The following ENTPD1 variants were observed in gnomAD, a reference collection of about 807,000 sequenced individuals.
ENTPD1 encodes the protein ATP diphosphohydrolase.
Under a neutral mutation model 57.0 loss-of-function variants are expected in ENTPD1, and 33 were observed. The ratio of observed to expected loss-of-function variants is 0.58; its 90% CI spans 0.44 to 0.77. The LOEUF is 0.77. Ranked by LOEUF, ENTPD1 falls within the 30% of genes least tolerant of loss-of-function variation. The pLI is 0.00. For missense variants in ENTPD1, 501 were observed against 603.4 expected, an observed-to-expected ratio of 0.83 and a Z score of 1.78; for synonymous variants, 202 against 218.8, an observed-to-expected ratio of 0.92 and a Z score of 0.68.
At chr10:95,760,798 T>C (rs2098055030) in intron 1 of ENTPD1, among the ~76,000 whole-genome samples, 1 of 137,848 alleles carries the variant, frequency 7.3e-6, no homozygotes, top group African/African-American at 2.7e-5. Flanking sequence ...CTGGAGTAAA[T>C]TACATAGAGT....
chr10:95,760,885 A>G (rs926095043), intron 1 of ENTPD1, among the ~76,000 whole-genome samples: 32 of 122,516 alleles, frequency 2.6e-4, no homozygotes, highest in Non-Finnish European at 7.9e-5. Flanking sequence ...GCTGGAGTGC[A>G]GTGGCGCGAT....
chr10:95,723,570 G>A (rs958056382), intron 1 of ENTPD1, among the ~76,000 whole-genome samples: 2 of 152,160 alleles, frequency 1.3e-5, no homozygotes, highest in Admixed American at 6.5e-5. Flanking sequence ...TACCTAGGAG[G>A]CAGGGATGGG....
rs1330097905 is a variant in ENTPD1, at chr10:95,870,827, T to TTTTTATAACA, written c.*4445_*4454dup. The TTTTTATAACA allele has an allele frequency of 1.0e-6, 1 of 985,364 alleles. No homozygotes were observed. 61.0% of individuals were successfully genotyped at this position (985,364 alleles called of 1,614,324 possible). A position where few individuals can be genotyped will look rare whatever the true frequency, so the allele number is the denominator to read the frequency against. Reference sequence around the variant, plus strand: ...TTTCCATTTGTATTAGGTCCTTTACTTTTTATAACAGCCTCAAAGTTTCAT... The same window carrying TTTTTATAACA: ...TTTCCATTTGTATTAGGTCCTTTACTTTTTATAACATTTTATAACAGCCTCAAAGTTTCAT... On this transcript the variant is annotated 3_prime_UTR_variant, in exon 10 of 10. Coordinates refer to ENST00000371205, the MANE Select transcript of ENTPD1 (RefSeq NM_001776.6).
chr10:95,824,324 T>G (rs1442906324), intron 2 of ENTPD1, among the ~76,000 whole-genome samples: 1 of 152,190 alleles, frequency 6.6e-6, no homozygotes, highest in Non-Finnish European at 1.5e-5. Context: ...CTCTTGTATT[T>G]GAAGATGTTG....
At chr10:95,704,441 A>C in the ENTPD1 span, among the ~76,000 whole-genome samples, 1 of 152,238 alleles carries the variant, frequency 6.6e-6, no homozygotes, top group African/African-American at 2.4e-5. Flanking sequence ...TTTGGCTCCA[A>C]GATCAACAAA....
intron 1 of ENTPD1, among the ~76,000 whole-genome samples, chr10:95,816,472 G>C (rs1234526157): frequency 6.6e-6 from 1 of 152,190 alleles, no homozygotes; most frequent in East Asian, 1.9e-4. Context: ...ATGTAATTAA[G>C]CTAAGGATCT....
chr10:95,864,782 G>A lies in ENTPD1; in HGVS notation c.1247G>A (p.Gly416Asp), dbSNP rs762782061. 6.2e-7 allele frequency: 1 copy of A among 1,613,998 alleles called. No individual in the cohort carries two copies. The highest frequency in any genetic ancestry group is 8.5e-7 in the Non-Finnish European group (1 of 1,179,992). ...EKYLSEYCFSGTYILSLLLQG... is the reference protein window; with the variant it reads ...EKYLSEYCFSDTYILSLLLQG... The stretch of plus-strand genomic sequence containing the variant: ...TACCTGAGTGAATACTGCTTTTCTG[G>A]TACCTACATTCTCTCCCTCCTTCTG... The change falls in exon 9 of 10, where the codon GGT becomes GAT. Residue 416 changes from glycine (G) to aspartate (D), a missense_variant. By Grantham distance (94) the Gly-to-Asp change is moderately conservative. Coordinates refer to ENST00000371205, the MANE Select transcript of ENTPD1 (RefSeq NM_001776.6).
chr10:95,713,153 C>G (rs2097967769), intron 1 of ENTPD1, among the ~76,000 whole-genome samples: 1 of 152,064 alleles, frequency 6.6e-6, no homozygotes, highest in Admixed American at 6.6e-5. Flanking sequence ...CAAGGAACAC[C>G]TCTTGTTTAT....
chr10:95,870,031 G>T lies in ENTPD1; in HGVS notation c.*3648G>T. Reference sequence around the variant, plus strand: ...CTCATTGTCTTTCCCTTGGGAGGTAGTTTAAAGAGCTATAGATGCTGTAAC... The same window carrying T: ...CTCATTGTCTTTCCCTTGGGAGGTATTTTAAAGAGCTATAGATGCTGTAAC... On this transcript the variant is annotated 3_prime_UTR_variant, in exon 10 of 10. Transcript: ENST00000371205. The T allele has an allele frequency of 2.0e-6, 2 of 985,386 alleles. No homozygotes were observed. Among genetic ancestry groups the T allele is most frequent in the South Asian group, 4.7e-5 (1 of 21,280 alleles). The allele number at this position is 985,386 out of a possible 1,614,324, so 61.0% of individuals were successfully genotyped here. A position where few individuals can be genotyped will look rare whatever the true frequency, so the allele number is the denominator to read the frequency against.
At chr10:95,708,623 GATAA>G (rs1397680291), upstream of ENTPD1, among the ~76,000 whole-genome samples, 1 of 152,190 alleles carries the variant, frequency 6.6e-6, no homozygotes, top group African/African-American at 2.4e-5. Flanking sequence ...TAGCAGAGTG[GATAA>G]ATAAACTATG....
intron 1 of ENTPD1, among the ~76,000 whole-genome samples, chr10:95,717,184 C>A (rs953165956): frequency 3.3e-5 from 5 of 152,176 alleles, no homozygotes; most frequent in African/African-American, 9.7e-5. Flanking sequence ...TTCCATGGGA[C>A]AGTGTCAGGA....
intron 1 of ENTPD1, among the ~76,000 whole-genome samples, chr10:95,809,367 G>A (rs1330666096): frequency 2.7e-5 from 4 of 149,904 alleles, no homozygotes; most frequent in Non-Finnish European, 5.9e-5. Context: ...CCCAAGACGG[G>A]GCGGCCGGGC....
chr10:95,872,651 GA>G lies in ENTPD1; in HGVS notation c.*6272del, dbSNP rs1261387094. 2 of 977,998 alleles carry G rather than the reference GA, an allele frequency of 2.0e-6. No homozygotes were observed. Among genetic ancestry groups the G allele is most frequent in the Non-Finnish European group, 2.4e-6 (2 of 827,868 alleles). 60.6% of individuals were successfully genotyped at this position (977,998 alleles called of 1,614,324 possible). A position where few individuals can be genotyped will look rare whatever the true frequency, so the allele number is the denominator to read the frequency against. ...AAAAATATGTTACCTATTTCTTTCT[GA>G]AAAGTTGGATTCAGGGATATTATCA... On this transcript the variant is annotated 3_prime_UTR_variant, in exon 10 of 10. Transcript: ENST00000371205.
chr10:95,724,954 C>A (rs987401795), intron 1 of ENTPD1, among the ~76,000 whole-genome samples: 1 of 152,132 alleles, frequency 6.6e-6, no homozygotes, highest in East Asian at 1.9e-4. Flanking sequence ...TTTCTCTCTC[C>A]TCTTTGTCTG....
chr10:95,836,074 A>C (rs2098408893), intron 2 of ENTPD1, among the ~76,000 whole-genome samples: 1 of 152,162 alleles, frequency 6.6e-6, no homozygotes, highest in Non-Finnish European at 1.5e-5. Flanking sequence ...CCATTTATTA[A>C]ATAGGAAGTC....
At chr10:95,705,277 A>ATGTGTGTGTGTGTGTGTGTGTG in the ENTPD1 span, among the ~76,000 whole-genome samples, 8 of 150,064 alleles carry the variant, frequency 5.3e-5, no homozygotes, top group African/African-American at 2.0e-4. Context: ...CCAGTAGAAA[A>ATGTGTGTGTGTGTGTGTGTGTG]TGTGTGTGTG....
At chr10:95,835,344 T>TG (rs1262492656) in intron 2 of ENTPD1, among the ~76,000 whole-genome samples, 1 of 152,236 alleles carries the variant, frequency 6.6e-6, no homozygotes, top group East Asian at 1.9e-4. Context: ...TCATCATTGA[T>TG]GGACACCTGG....
intron 1 of ENTPD1, among the ~76,000 whole-genome samples, chr10:95,802,939 A>G (rs1419493879): frequency 6.6e-6 from 1 of 152,180 alleles, no homozygotes; most frequent in African/African-American, 2.4e-5. Context: ...TTATAGTAGC[A>G]TGCTTTATAA....
chr10:95,794,553 G>C (rs1330184741), intron 1 of ENTPD1, among the ~76,000 whole-genome samples: 1 of 152,154 alleles, frequency 6.6e-6, no homozygotes, highest in African/African-American at 2.4e-5. Flanking sequence ...CCCAGAGTTG[G>C]CATTTTTACA....
Sources: gnomAD v4.1 joint callset for allele counts (sites outside exome capture counted in the v4.1 genomes callset) on GRCh38, gnomAD v4.1.1 for gene constraint, MANE v1.5 for transcripts, NCBI Gene and HGNC (gene_info 2026-07-23, HGNC 2026-07-21) for gene names.